Variants in NF2 observed in about 807,000 individuals in gnomAD.
The protein encoded by NF2 is merlin.
Under a neutral mutation model 83.7 loss-of-function variants are expected in NF2, and 8 were observed. The ratio of observed to expected loss-of-function variants is 0.10; its 90% CI spans 0.06 to 0.17. NF2 has a LOEUF of 0.17. NF2 is among the 10% of genes least tolerant of loss of function. The pLI is 1.00. For synonymous variants in NF2, 266 were observed against 269.6 expected (o/e 0.99, Z 0.13); for missense variants, 533 against 744.4 (o/e 0.72, Z 3.31).
intron 3 of NF2, among the ~76,000 whole-genome samples, chr22:29,639,499 T>C (rs1411563713): frequency 6.6e-6 from 1 of 152,200 alleles, no homozygotes. Flanking sequence ...TTCTTCTAGC[T>C]AACTTAAAAG....
At chr22:29,619,491 G>A (rs1327604938) in intron 1 of NF2, among the ~76,000 whole-genome samples, 1 of 151,968 alleles carries the variant, frequency 6.6e-6, no homozygotes, top group Non-Finnish European at 1.5e-5. Context: ...CTGTCTCCTG[G>A]GTTCAAGCAA....
intron 2 of NF2, among the ~76,000 whole-genome samples, chr22:29,638,621 G>A (rs573008159): frequency 5.3e-5 from 8 of 152,162 alleles, no homozygotes. Flanking sequence ...CAGCGTGCTG[G>A]GATTATAGGT....
intron 15 of NF2, among the ~76,000 whole-genome samples, chr22:29,686,605 C>CGATCTTG (rs2067275998): frequency 6.6e-6 from 1 of 152,226 alleles, no homozygotes; most frequent in Admixed American, 6.5e-5. Context: ...TGCCATTGCA[C>CGATCTTG]TCCAGCCTGG....
intron 1 of NF2, among the ~76,000 whole-genome samples, chr22:29,631,379 C>T (rs2065507425): frequency 6.6e-6 from 1 of 152,156 alleles, no homozygotes; most frequent in African/African-American, 2.4e-5. Context: ...GAGACCCAGG[C>T]CCGAGTTGTG....
intron 1 of NF2, among the ~76,000 whole-genome samples, chr22:29,624,156 TG>T (rs2065282469): frequency 6.6e-6 from 1 of 152,208 alleles, no homozygotes; most frequent in Admixed American, 6.5e-5. Context: ...AAACCTCAGT[TG>T]CTGCATCTAT....
rs140334467 is a variant in NF2, at chr22:29,652,140, G to A, written c.448-2517G>A. On this transcript the variant is annotated intron_variant, in intron 4 of 15. Coordinates refer to ENST00000338641, the MANE Select transcript of NF2 (RefSeq NM_000268.4). Reference sequence around the variant, plus strand: ...GGAAGTTGAGGCTTAGAGAGAGGATGCCTTACTCAAGGCCTCAGAAGGGGT... The same window carrying A: ...GGAAGTTGAGGCTTAGAGAGAGGATACCTTACTCAAGGCCTCAGAAGGGGT... 1.2e-3 allele frequency among the ~76,000 whole-genome samples: 180 copies of A among 152,192 alleles called. 2 individuals are homozygous for A. The highest frequency in any genetic ancestry group is 4.2e-3 in the African/African-American group (174 of 41,526).
intron 14 of NF2, among the ~76,000 whole-genome samples, chr22:29,680,215 G>T (rs181563233): frequency 6.6e-6 from 1 of 151,854 alleles, no homozygotes; most frequent in Non-Finnish European, 1.5e-5. Context: ...GGGTGCAAGC[G>T]ATTCTCCTGC....
intron 1 of NF2, among the ~76,000 whole-genome samples, chr22:29,614,924 C>G (rs2065045719): frequency 6.6e-6 from 1 of 152,094 alleles, no homozygotes; most frequent in African/African-American, 2.4e-5. Context: ...TGGCTCATGC[C>G]TGTAATCCTA....
At chr22:29,656,133 T>A (rs2066300164) in intron 6 of NF2, among the ~76,000 whole-genome samples, 6 of 151,694 alleles carry the variant, frequency 4.0e-5, no homozygotes, top group Admixed American at 3.9e-4. Flanking sequence ...GAGATGGGGT[T>A]TCAACATGTT....
At chr22:29,691,727 G>A (rs550219214) in intron 15 of NF2, among the ~76,000 whole-genome samples, 1 of 152,326 alleles carries the variant, frequency 6.6e-6, no homozygotes, top group African/African-American at 2.4e-5. Context: ...GGGCGAGACA[G>A]TGCCCAGGCA....
At chr22:29,624,058 C>T (rs982326399) in intron 1 of NF2, among the ~76,000 whole-genome samples, 1 of 152,206 alleles carries the variant, frequency 6.6e-6, no homozygotes, top group Admixed American at 6.5e-5. Flanking sequence ...AGAATAAGAG[C>T]TACAGCCCTG....
Position 29,695,100 on chromosome 22 carries a change from G to A in NF2, c.*298G>A. 2.0e-6 allele frequency: 1 copy of A among 504,816 alleles called. No individual in the cohort carries two copies. The highest frequency in any genetic ancestry group is 2.1e-5 in the South Asian group (1 of 47,694). 31.3% of individuals were successfully genotyped at this position (504,816 alleles called of 1,614,324 possible). ...CTGACTCCCTTCGTCCAAGGCACCGGTGTGTGTGTGTCTTGCACTCCAGAG... is the reference window on the plus strand; with the variant it reads ...CTGACTCCCTTCGTCCAAGGCACCGATGTGTGTGTGTCTTGCACTCCAGAG... On this transcript the variant is annotated 3_prime_UTR_variant, in exon 16 of 16. Coordinates refer to ENST00000338641, the MANE Select transcript of NF2 (RefSeq NM_000268.4). The surrounding 1 kb of genome is among the most constrained non-coding windows in gnomAD (Gnocchi z 5.4).
intron 1 of NF2, among the ~76,000 whole-genome samples, chr22:29,617,831 G>A (rs2065118117): frequency 6.6e-6 from 1 of 152,196 alleles, no homozygotes; most frequent in Non-Finnish European, 1.5e-5. Flanking sequence ...TAGCAGAGCA[G>A]TAGTAGAAAG....
At chr22:29,604,240 C>A in intron 1 of NF2, 128 bp downstream of exon 1, 1 of 758,052 alleles carries the variant, frequency 1.3e-6, no homozygotes. Flanking sequence ...GGCCCAAAAC[C>A]TCATGTTAAA....
chr22:29,635,762 C>A (rs958242089), intron 1 of NF2, among the ~76,000 whole-genome samples: 3 of 152,070 alleles, frequency 2.0e-5, no homozygotes, highest in African/African-American at 7.2e-5. Flanking sequence ...CCATGTCTGT[C>A]GAAAGATTAC....
intron 10 of NF2, among the ~76,000 whole-genome samples, chr22:29,670,015 T>TA (rs2066734510): frequency 1.3e-5 from 2 of 152,032 alleles, no homozygotes; most frequent in African/African-American, 4.8e-5. Context: ...CTTTTTTTTT[T>TA]AATAAAAGGG....
rs1470731085 is a variant in NF2, at chr22:29,636,660, G to A, written c.115-91G>A. ...TCAGCTGTCTTAGTGTCATCCCCACGTTTTGGAACCTGAGAGTGGAGAGTG... is the reference window on the plus strand; with the variant it reads ...TCAGCTGTCTTAGTGTCATCCCCACATTTTGGAACCTGAGAGTGGAGAGTG... On this transcript the variant is annotated intron_variant, in intron 1 of 15. Transcript: ENST00000338641. This position sits in a 1 kb window ranked among gnomAD's most constrained non-coding sequence, Gnocchi z 4.4. 3 of 1,566,274 alleles carry A rather than the reference G, an allele frequency of 1.9e-6. No individual in the cohort carries two copies. Among genetic ancestry groups the A allele is most frequent in the Admixed American group, 1.7e-5 (1 of 59,920 alleles).
At chr22:29,637,065 T>C (rs2065669902) in intron 2 of NF2, among the ~76,000 whole-genome samples, 189 bp downstream of exon 2, 1 of 152,208 alleles carries the variant, frequency 6.6e-6, no homozygotes, top group African/African-American at 2.4e-5. Flanking sequence ...CAGGCTCTCC[T>C]GGGCAAGCAG....
At chr22:29,672,072 G>GA (rs1255679830) in intron 11 of NF2, 124 bp downstream of exon 11, 11 of 1,423,764 alleles carry the variant, frequency 7.7e-6, no homozygotes, top group Non-Finnish European at 1.1e-5. Flanking sequence ...TTTCAGCTTT[G>GA]AAAAAATCAG....
Sources: gnomAD v4.1 joint callset for allele counts (sites outside exome capture counted in the v4.1 genomes callset) on GRCh38, gnomAD v4.1.1 for gene constraint, Gnocchi (gnomAD v3.1) non-coding constraint, MANE v1.5 for transcripts, NCBI Gene and HGNC (gene_info 2026-07-23, HGNC 2026-07-21) for gene names.